Variants in EXOC6B observed in about 807,000 individuals in gnomAD.
EXOC6B encodes the protein exocyst complex component 6B, also known as SEC15 homolog B.
A neutral mutation model predicts 113.5 loss-of-function variants in EXOC6B; 54 were observed. The observed-to-expected ratio is 0.48, with a 90% CI of 0.38 to 0.60. EXOC6B has a LOEUF of 0.60. Among genes scored for constraint, EXOC6B ranks in the 20% least tolerant of loss-of-function variants. The pLI is 0.00. For synonymous variants in EXOC6B, 357 were observed against 339.0 expected (o/e 1.05, Z -0.58); for missense variants, 797 against 977.5 (o/e 0.82, Z 2.46).
At chr2:72,798,679 A>T (rs187310724) in intron 1 of EXOC6B, among the ~76,000 whole-genome samples, 12 of 152,238 alleles carry the variant, frequency 7.9e-5, no homozygotes, top group South Asian at 2.1e-4. Context: ...TATTATATAT[A>T]TTTTTATTTT....
chr2:72,539,497 C>G (rs989124697), intron 8 of EXOC6B, among the ~76,000 whole-genome samples: 1 of 152,194 alleles, frequency 6.6e-6, no homozygotes, highest in Non-Finnish European at 1.5e-5. Flanking sequence ...TGGCTCCCAA[C>G]ATCACTTTTA....
intron 18 of EXOC6B, among the ~76,000 whole-genome samples, chr2:72,455,392 T>C (rs1306376856): frequency 2.0e-5 from 3 of 152,318 alleles, no homozygotes; most frequent in East Asian, 3.9e-4. Context: ...CGGGAATTGT[T>C]CTGGTCACCA....
chr2:72,493,310 C>A (rs1699848879), intron 15 of EXOC6B, among the ~76,000 whole-genome samples: 1 of 58,300 alleles, frequency 1.7e-5, no homozygotes, highest in African/African-American at 4.9e-5. Context: ...TGTACCTTCT[C>A]TGTTTTTCTC....
At chr2:72,400,126 T>A (rs1410054210) in intron 18 of EXOC6B, among the ~76,000 whole-genome samples, 1 of 151,958 alleles carries the variant, frequency 6.6e-6, no homozygotes, top group Non-Finnish European at 1.5e-5. Context: ...AGAAATAAAG[T>A]CACATATCTA....
intron 19 of EXOC6B, among the ~76,000 whole-genome samples, chr2:72,373,058 G>A (rs914902650): frequency 2.0e-5 from 3 of 151,170 alleles, no homozygotes; most frequent in Admixed American, 1.3e-4. Flanking sequence ...TATCAGTCTC[G>A]GAAGACTTTT....
At chr2:72,618,008 T>C (rs1408051628) in intron 6 of EXOC6B, among the ~76,000 whole-genome samples, 1 of 152,184 alleles carries the variant, frequency 6.6e-6, no homozygotes, top group African/African-American at 2.4e-5. Context: ...TCATCTTGAC[T>C]AAAAGTGGGG....
intron 20 of EXOC6B, among the ~76,000 whole-genome samples, chr2:72,247,634 C>A (rs1035800857): frequency 4.6e-5 from 7 of 152,130 alleles, no homozygotes; most frequent in Admixed American, 4.6e-4. Context: ...AGAAACTTTT[C>A]GGCTGGCTGA....
At chr2:72,273,096 G>C (rs961991338) in intron 20 of EXOC6B, among the ~76,000 whole-genome samples, 3 of 152,074 alleles carry the variant, frequency 2.0e-5, no homozygotes, top group Non-Finnish European at 4.4e-5. Context: ...ACTCAAACTA[G>C]AGGACTTTCT....
At chr2:72,401,680 T>A (rs1693341728) in intron 18 of EXOC6B, among the ~76,000 whole-genome samples, 1 of 108,152 alleles carries the variant, frequency 9.2e-6, no homozygotes, top group African/African-American at 3.6e-5. Flanking sequence ...TATATATATA[T>A]ATATATGAAA....
chr2:72,737,620 G>A (rs1187222750), intron 2 of EXOC6B, among the ~76,000 whole-genome samples: 1 of 152,194 alleles, frequency 6.6e-6, no homozygotes, highest in African/African-American at 2.4e-5. Flanking sequence ...TTGAGAGGAT[G>A]AGGTGGGCGG....
chr2:72,374,428 G>T (rs1481758680), intron 19 of EXOC6B, among the ~76,000 whole-genome samples: 1 of 152,120 alleles, frequency 6.6e-6, no homozygotes, highest in Admixed American at 6.6e-5. Flanking sequence ...ATTATGATAA[G>T]TGTTAAACCA....
At chr2:72,605,885 G>C (rs1670724212) in intron 6 of EXOC6B, among the ~76,000 whole-genome samples, 1 of 151,850 alleles carries the variant, frequency 6.6e-6, no homozygotes, top group African/African-American at 2.4e-5. Context: ...CCTCAATCTA[G>C]TATCATAAAG....
intron 20 of EXOC6B, among the ~76,000 whole-genome samples, chr2:72,259,062 T>C (rs1384798261): frequency 3.9e-5 from 6 of 152,232 alleles, no homozygotes; most frequent in Non-Finnish European, 7.3e-5. Context: ...GTAAAATTTA[T>C]ATATGATGAA....
intron 6 of EXOC6B, among the ~76,000 whole-genome samples, chr2:72,708,933 A>G (rs754193364): frequency 2.0e-4 from 24 of 120,308 alleles, no homozygotes; most frequent in Admixed American, 1.6e-3. Flanking sequence ...TTGTAGAGAC[A>G]AAGTCTTACT....
chr2:72,585,977 C>A (rs951733170), intron 6 of EXOC6B, among the ~76,000 whole-genome samples: 1 of 151,976 alleles, frequency 6.6e-6, no homozygotes, highest in Non-Finnish European at 1.5e-5. Flanking sequence ...CTTCAACAGT[C>A]GACAAAAATA....
chr2:72,470,713 T>C (rs628270), intron 17 of EXOC6B, among the ~76,000 whole-genome samples: 56,690 of 149,312 alleles, frequency 0.38, 16,221 homozygotes, highest in African/African-American at 0.81. Context: ...TGAGAACATG[T>C]GGTGTTTGGT....
rs867299276 is a variant in EXOC6B, at chr2:72,424,369, T to A, written c.1980+40791A>T. Among the ~76,000 whole-genome samples, 33 of 152,280 alleles carry A rather than the reference T, an allele frequency of 2.2e-4. No homozygotes were observed. In the South Asian group the frequency reaches 4.3e-3, roughly 20 times the overall value. ...TCATTTAACCCACATTTTCAAATTTTAGTACATATAAGACTTGTGTAAAAT... is the reference window on the plus strand; with the variant it reads ...TCATTTAACCCACATTTTCAAATTTAAGTACATATAAGACTTGTGTAAAAT... On this transcript the variant is annotated intron_variant, in intron 18 of 21. Transcript: ENST00000272427.
intron 1 of EXOC6B, among the ~76,000 whole-genome samples, chr2:72,817,404 T>C (rs994300479): frequency 6.6e-6 from 1 of 152,240 alleles, no homozygotes; most frequent in African/African-American, 2.4e-5. Flanking sequence ...AAAGAAGTCA[T>C]ATTTTTAAGA....
intron 1 of EXOC6B, among the ~76,000 whole-genome samples, chr2:72,770,221 G>T (rs1683334680): frequency 6.6e-6 from 1 of 151,928 alleles, no homozygotes; most frequent in Non-Finnish European, 1.5e-5. Flanking sequence ...AAGTGATCAA[G>T]TATGATACAT....
Sources: allele counts gnomAD v4.1 joint callset (sites outside exome capture counted in the v4.1 genomes callset), GRCh38; gene constraint gnomAD v4.1.1; transcripts MANE v1.5; gene names NCBI Gene and HGNC (gene_info 2026-07-23, HGNC 2026-07-21).